Variants in URB1 observed in about 807,000 individuals in gnomAD.
The protein encoded by URB1 is nucleolar pre-ribosomal-associated protein 1.
Under a neutral mutation model 242.3 loss-of-function variants are expected in URB1, and 197 were observed. The ratio of observed to expected loss-of-function variants is 0.81; its 90% CI spans 0.72 to 0.91. URB1 has a LOEUF of 0.91. Among genes scored for constraint, URB1 ranks in the 40% least tolerant of loss-of-function variants. The pLI, the probability that URB1 is intolerant of heterozygous loss-of-function variation, is 0.00. For synonymous variants in URB1, 1,153 were observed against 1,201.8 expected (o/e 0.96, Z 0.84); for missense variants, 2,721 against 2,860.5 (o/e 0.95, Z 1.11).
At chr21:32,337,272 C>T (rs1387913067) in intron 27 of URB1, 115 bp from the exon 28 acceptor site, 1 of 1,355,422 alleles carries the variant, frequency 7.4e-7, no homozygotes, top group Non-Finnish European at 1.0e-6. Context: ...CATATCTTCA[C>T]CCTGCTTGCA....
At chr21:32,328,161 C>T (rs947838352) in intron 30 of URB1, among the ~76,000 whole-genome samples, 4 of 152,162 alleles carry the variant, frequency 2.6e-5, no homozygotes, top group Admixed American at 2.0e-4. Flanking sequence ...TTTTTAAAGC[C>T]AGAGTCTCCT....
chr21:32,324,912 G>A lies in URB1; in HGVS notation c.5122-310C>T, dbSNP rs140366785. ...ACAGGTTTCTAAGGTTCAGTGTGTC[G>A]TGGATAATAGCCACCTTAACCACTG... On this transcript the variant is annotated intron_variant, in intron 31 of 38. Coordinates refer to ENST00000382751, the MANE Select transcript of URB1 (RefSeq NM_014825.3). 2.5e-3 allele frequency among the ~76,000 whole-genome samples: 382 copies of A among 151,984 alleles called. 3 individuals are homozygous for A. Among genetic ancestry groups the A allele is most frequent in the African/African-American group, 9.0e-3 (370 of 41,310 alleles).
At chr21:32,372,427 A>G in intron 8 of URB1, 80 bp downstream of exon 8, 1 of 1,473,088 alleles carries the variant, frequency 6.8e-7, no homozygotes, top group South Asian at 1.3e-5. Flanking sequence ...AACCTACTAC[A>G]GTTCCACTAG....
In URB1 at chr21:32,311,208, G is replaced by A. The variant is rs1479596540; in HGVS notation, c.*3710C>T. ...AGACTTACTATCACGAGAACAGCAT[G>A]GGAAGACCCGCCCCCATGATTCAAT... On this transcript the variant is annotated 3_prime_UTR_variant, in exon 39 of 39. Transcript: ENST00000382751. The A allele has an allele frequency of 6.0e-6, 1 of 166,426 alleles. No homozygotes were observed. Among genetic ancestry groups the A allele is most frequent in the Non-Finnish European group, 1.3e-5 (1 of 76,612 alleles). 10.3% of individuals were successfully genotyped at this position (166,426 alleles called of 1,614,324 possible). A position where few individuals can be genotyped will look rare whatever the true frequency, so the allele number is the denominator to read the frequency against.
At chr21:32,372,453 G>A in intron 8 of URB1, 54 bp downstream of exon 8, 1 of 1,529,282 alleles carries the variant, frequency 6.5e-7, no homozygotes, top group Non-Finnish European at 8.8e-7. Context: ...CACATATGTG[G>A]TGACTTCTGA....
In URB1 at chr21:32,320,875, C is replaced by T. The variant is rs142448333; in HGVS notation, c.5485-235G>A. Among the ~76,000 whole-genome samples, 1,271 of 152,270 alleles carry T rather than the reference C, an allele frequency of 8.3e-3. 23 individuals carry two copies. The highest frequency in any genetic ancestry group is 0.029 in the African/African-American group (1,217 of 41,542). On this transcript the variant is annotated intron_variant, in intron 34 of 38. Coordinates refer to ENST00000382751, the MANE Select transcript of URB1 (RefSeq NM_014825.3). Reference sequence around the variant, plus strand: ...CTCTGGGCCCGGGGATCCCCACTTCCGTTAATCCATCATCTGGAACCCACC... The same window carrying T: ...CTCTGGGCCCGGGGATCCCCACTTCTGTTAATCCATCATCTGGAACCCACC...
chr21:32,339,494 C>CTTTTTTTTTTT (rs751108545), intron 25 of URB1, among the ~76,000 whole-genome samples: 1 of 139,122 alleles, frequency 7.2e-6, no homozygotes, highest in Non-Finnish European at 1.6e-5. Flanking sequence ...TTTTTTTTTT[C>CTTTTTTTTTTT]TTTTTTTTTT....
intron 36 of URB1, among the ~76,000 whole-genome samples, chr21:32,318,939 C>T (rs539665391): frequency 3.3e-5 from 5 of 152,054 alleles, no homozygotes; most frequent in East Asian, 1.9e-4. Context: ...AAAATGACCT[C>T]GTACGATGCA....
Position 32,338,909 on chromosome 21 carries a change from C to T in URB1, c.4317-9G>A, listed in dbSNP as rs1172796197. The T allele has an allele frequency of 3.0e-5, 46 of 1,523,892 alleles. No homozygotes were observed. Among genetic ancestry groups the T allele is most frequent in the East Asian group, 7.5e-5 (3 of 40,094 alleles). 94.4% of individuals were successfully genotyped at this position (1,523,892 alleles called of 1,614,324 possible). The stretch of plus-strand genomic sequence containing the variant: ...GGTCCTGGTACCGAAATCTAGGCGG[C>T]GAGAGTCAAAGGGAAAAGAGCTTTG... On this transcript the variant is annotated splice_polypyrimidine_tract_variant and intron_variant, in intron 25 of 38. Transcript: ENST00000382751.
At chr21:32,372,909 G>C (rs370546347) in intron 7 of URB1, among the ~76,000 whole-genome samples, 10 of 152,282 alleles carry the variant, frequency 6.6e-5, no homozygotes, top group African/African-American at 2.4e-4. Context: ...CCATATTTGG[G>C]AGTGTTTTTA....
At chr21:32,391,754 T>C (rs1009480446) in intron 1 of URB1, among the ~76,000 whole-genome samples, 3 of 151,862 alleles carry the variant, frequency 2.0e-5, no homozygotes, top group Admixed American at 1.3e-4. Flanking sequence ...GGCTCATACC[T>C]ATACTCCCAG....
intron 30 of URB1, among the ~76,000 whole-genome samples, chr21:32,329,108 A>AAC (rs2123554858): frequency 6.7e-6 from 1 of 150,136 alleles, no homozygotes; most frequent in African/African-American, 2.4e-5. Context: ...GTCTCTACCA[A>AAC]AAAAAAAAAA....
At chr21:32,375,912 G>A (rs2033454273) in intron 5 of URB1, among the ~76,000 whole-genome samples, 1 of 151,924 alleles carries the variant, frequency 6.6e-6, no homozygotes, top group Non-Finnish European at 1.5e-5. Context: ...AGCCATGATC[G>A]CACCACTGCA....
In URB1 at chr21:32,349,277, AG is replaced by A; in HGVS notation, c.3012+26del. 3 of 1,502,334 alleles carry A rather than the reference AG, an allele frequency of 2.0e-6. No homozygotes were observed. In the South Asian group the frequency reaches 4.0e-5, roughly 20 times the overall value. The allele number at this position is 1,502,334 out of a possible 1,614,324, so 93.1% of individuals were successfully genotyped here. On this transcript the variant is annotated intron_variant, in intron 21 of 38. Transcript: ENST00000382751. ...AGCCACTGCCCATGACTCTGAGAAT[AG>A]GCTACCAGGCAACCTGTGGCGGTAC... is the stretch of plus-strand genomic sequence containing the variant.
intron 14 of URB1, 40 bp downstream of exon 14, chr21:32,359,756 G>T: frequency 6.7e-7 from 1 of 1,494,144 alleles, no homozygotes; most frequent in South Asian, 1.3e-5. Context: ...CGGCCCAGCA[G>T]GTAAGCTTAG....
chr21:32,382,722 A>C (rs1413963990), intron 4 of URB1, among the ~76,000 whole-genome samples: 2 of 152,056 alleles, frequency 1.3e-5, no homozygotes, highest in Non-Finnish European at 2.9e-5. Flanking sequence ...TGGCAACCAG[A>C]AGAGGCCCTA....
rs1568815044 is a variant in URB1, at chr21:32,337,494, G to C, written c.4531C>G (p.Leu1511Val). 3.9e-6 allele frequency: 6 copies of C among 1,551,520 alleles called. No individual in the cohort carries two copies. The highest frequency in any genetic ancestry group is 5.2e-6 in the Non-Finnish European group (6 of 1,146,924). The change falls in exon 27 of 39, where the codon CTG becomes GTG. Residue 1511 changes from leucine (L) to valine (V), a missense_variant. Leu to Val is a conservative substitution (Grantham distance 32). Coordinates refer to ENST00000382751, the MANE Select transcript of URB1 (RefSeq NM_014825.3). ...QVKEALVDLM[L>V]TVVEMCPSVC... Reference sequence around the variant, plus strand: ...GAGGGGCACATCTCCACCACCGTCAGCATCAGGTCCACCAGCGCTTCTGCA... The same window carrying C: ...GAGGGGCACATCTCCACCACCGTCACCATCAGGTCCACCAGCGCTTCTGCA...
At chr21:32,352,195 T>C (rs1028234669) in intron 19 of URB1, among the ~76,000 whole-genome samples, 2 of 152,152 alleles carry the variant, frequency 1.3e-5, no homozygotes, top group African/African-American at 4.8e-5. Context: ...GCATTGTAAA[T>C]ACCCTGCACA....
intron 35 of URB1, 95 bp from the exon 36 acceptor site, chr21:32,319,509 T>C: frequency 8.3e-7 from 1 of 1,200,212 alleles, no homozygotes; most frequent in Non-Finnish European, 1.1e-6. Flanking sequence ...CTCATCCCCC[T>C]AGATAAGCAT....
Sources: allele counts gnomAD v4.1 joint callset (sites outside exome capture counted in the v4.1 genomes callset), GRCh38; gene constraint gnomAD v4.1.1; transcripts MANE v1.5; gene names NCBI Gene and HGNC (gene_info 2026-07-23, HGNC 2026-07-21).